The following TMEFF2 variants were observed in gnomAD, a reference collection of about 807,000 sequenced individuals.
TMEFF2 encodes tomoregulin-2.
Under a neutral mutation model 53.8 loss-of-function variants are expected in TMEFF2, and 28 were observed. That is an observed-to-expected ratio of 0.52 (90% confidence interval 0.39 to 0.71). TMEFF2 has a LOEUF of 0.71. TMEFF2 is among the 30% of genes least tolerant of loss of function. The pLI is 0.00. For missense variants in TMEFF2, 353 were observed against 455.2 expected, an observed-to-expected ratio of 0.78 and a Z score of 2.04; for synonymous variants, 162 against 166.3, an observed-to-expected ratio of 0.97 and a Z score of 0.20.
At chr2:192,172,780 C>T (rs1690947606) in intron 4 of TMEFF2, among the ~76,000 whole-genome samples, 1 of 151,830 alleles carries the variant, frequency 6.6e-6, no homozygotes, top group South Asian at 2.1e-4. Flanking sequence ...AATAGAATGT[C>T]ATCGGACTGC....
chr2:192,171,190 G>T (rs575206809), intron 4 of TMEFF2, among the ~76,000 whole-genome samples: 53 of 152,058 alleles, frequency 3.5e-4, no homozygotes, highest in Non-Finnish European at 6.5e-4. Context: ...ATTAAAAATA[G>T]ATTTGACTAC....
intron 4 of TMEFF2, among the ~76,000 whole-genome samples, chr2:192,078,731 T>C (rs1688488007): frequency 2.0e-5 from 3 of 152,260 alleles, no homozygotes; most frequent in South Asian, 4.1e-4. Context: ...ATCACAAATT[T>C]GACAACAAAT....
intron 5 of TMEFF2, among the ~76,000 whole-genome samples, chr2:192,009,731 C>T (rs545443060): frequency 6.4e-4 from 97 of 151,820 alleles, no homozygotes; most frequent in African/African-American, 2.0e-3. Flanking sequence ...AAAGAGAAGA[C>T]GGGAAATATG....
intron 4 of TMEFF2, among the ~76,000 whole-genome samples, chr2:192,137,243 G>T (rs766842225): frequency 1.3e-5 from 2 of 152,112 alleles, no homozygotes; most frequent in Non-Finnish European, 2.9e-5. Flanking sequence ...TCGTGAGGGT[G>T]GGGTACCCAA....
chr2:192,055,693 T>G (rs1027319251), intron 5 of TMEFF2, among the ~76,000 whole-genome samples: 3 of 144,860 alleles, frequency 2.1e-5, no homozygotes, highest in African/African-American at 5.2e-5. Flanking sequence ...AAGAATCTCT[T>G]GAACCCGGGA....
At chr2:192,114,535 C>CTATA (rs143382529) in intron 4 of TMEFF2, among the ~76,000 whole-genome samples, 120 of 147,970 alleles carry the variant, frequency 8.1e-4, no homozygotes, top group African/African-American at 2.6e-3. Context: ...TGACATAATC[C>CTATA]TATATATATA....
At chr2:192,083,310 A>G (rs1284900834) in intron 4 of TMEFF2, among the ~76,000 whole-genome samples, 2 of 152,072 alleles carry the variant, frequency 1.3e-5, no homozygotes, top group African/African-American at 4.8e-5. Context: ...AGGTGATCTG[A>G]AGGCTGGGGC....
intron 9 of TMEFF2, among the ~76,000 whole-genome samples, chr2:191,953,347 A>G (rs1462204310): frequency 2.0e-5 from 3 of 152,236 alleles, no homozygotes; most frequent in African/African-American, 7.2e-5. Flanking sequence ...TCATCCTAAG[A>G]TAAAAATGTG....
At chr2:192,004,759 A>G (rs1051381810) in intron 5 of TMEFF2, among the ~76,000 whole-genome samples, 12 of 152,248 alleles carry the variant, frequency 7.9e-5, no homozygotes, top group African/African-American at 2.7e-4. Flanking sequence ...TGCAGAAATG[A>G]AAAGCACACG....
At chr2:191,950,802 T>TTA (rs1490349535) in intron 9 of TMEFF2, among the ~76,000 whole-genome samples, 1 of 152,174 alleles carries the variant, frequency 6.6e-6, no homozygotes, top group East Asian at 1.9e-4. Context: ...CTTTTCAATG[T>TTA]TATGAGTTTA....
intron 5 of TMEFF2, among the ~76,000 whole-genome samples, chr2:192,041,966 T>TG (rs1687494652): frequency 6.6e-6 from 1 of 152,048 alleles, no homozygotes; most frequent in Non-Finnish European, 1.5e-5. Flanking sequence ...TCCCATGGGC[T>TG]GGGGGAGGTG....
At chr2:192,154,956 A>G (rs1261643627) in intron 4 of TMEFF2, among the ~76,000 whole-genome samples, 2 of 152,022 alleles carry the variant, frequency 1.3e-5, no homozygotes, top group African/African-American at 2.4e-5. Context: ...TATAAAACTT[A>G]TAAGATCTTT....
In TMEFF2 at chr2:192,194,209, T is replaced by C. The variant is rs1425665064; in HGVS notation, c.172+144A>G. The C allele has an allele frequency of 1.0e-6, 1 of 973,608 alleles. No individual in the cohort carries two copies. Among genetic ancestry groups the C allele is most frequent in the East Asian group, 2.5e-5 (1 of 39,900 alleles). The allele number at this position is 973,608 out of a possible 1,614,324, so 60.3% of individuals were successfully genotyped here. On this transcript the variant is annotated intron_variant, in intron 1 of 9. Transcript: ENST00000272771. This position sits in a 1 kb window ranked among gnomAD's most constrained non-coding sequence, Gnocchi z 4.2. ...GGCCTGCAACAGTTCCCCTTGTTTC[T>C]CTGGATAGAGGTGGGTGGTATTAGG...
chr2:191,977,249 G>C (rs775784307), intron 7 of TMEFF2, among the ~76,000 whole-genome samples: 5 of 152,196 alleles, frequency 3.3e-5, no homozygotes, highest in Non-Finnish European at 7.3e-5. Context: ...GTTGTGCCTG[G>C]AGCAGGCTAG....
chr2:192,005,048 A>G (rs1686467025), intron 5 of TMEFF2, among the ~76,000 whole-genome samples: 1 of 152,174 alleles, frequency 6.6e-6, no homozygotes, highest in Admixed American at 6.5e-5. Context: ...AATCAGCCTT[A>G]CTCGAAAATA....
chr2:192,070,603 CT>C (rs1448238909), intron 4 of TMEFF2, among the ~76,000 whole-genome samples: 1 of 151,872 alleles, frequency 6.6e-6, no homozygotes, highest in African/African-American at 2.4e-5. Context: ...TGGCATGTTT[CT>C]TATGCTGCAA....
intron 4 of TMEFF2, among the ~76,000 whole-genome samples, chr2:192,154,882 A>G (rs1690470934): frequency 1.3e-5 from 2 of 151,996 alleles, no homozygotes; most frequent in Admixed American, 1.3e-4. Context: ...CCACTTTGAC[A>G]GGTTTCTGTA....
intron 4 of TMEFF2, among the ~76,000 whole-genome samples, chr2:192,158,130 A>C (rs1690548898): frequency 6.6e-6 from 1 of 152,116 alleles, no homozygotes. Context: ...TACCATCTTC[A>C]TAAAAATGTG....
intron 5 of TMEFF2, among the ~76,000 whole-genome samples, chr2:192,002,367 T>C (rs1251361710): frequency 6.6e-6 from 1 of 152,200 alleles, no homozygotes; most frequent in African/African-American, 2.4e-5. Flanking sequence ...CTTCCATCTT[T>C]GCTCCCTACT....
Sources: allele counts gnomAD v4.1 joint callset (sites outside exome capture counted in the v4.1 genomes callset), GRCh38; gene constraint gnomAD v4.1.1; non-coding constraint Gnocchi (gnomAD v3.1); transcripts MANE v1.5; gene names NCBI Gene and HGNC (gene_info 2026-07-23, HGNC 2026-07-21).